Variants in SLC38A10 observed in about 807,000 individuals in gnomAD.
The protein encoded by SLC38A10 is Sodium-coupled neutral amino acid transporter 10.
In SLC38A10, 53 loss-of-function variants were observed where a neutral mutation model predicts 81.0. The ratio of observed to expected loss-of-function variants is 0.65; its 90% CI spans 0.53 to 0.82. SLC38A10 has a LOEUF of 0.82. Among genes scored for constraint, SLC38A10 ranks in the 40% least tolerant of loss-of-function variants. The pLI is 0.00. For missense variants in SLC38A10, 1,471 were observed against 1,545.0 expected, an observed-to-expected ratio of 0.95 and a Z score of 0.80; for synonymous variants, 665 against 655.3, an observed-to-expected ratio of 1.01 and a Z score of -0.23.
intron 11 of SLC38A10, among the ~76,000 whole-genome samples, chr17:81,257,997 C>T (rs2062988143): frequency 6.6e-6 from 1 of 152,232 alleles, no homozygotes; most frequent in South Asian, 2.1e-4. Context: ...GGCCCGACTC[C>T]CAGCTTTCAA....
intron 1 of SLC38A10, among the ~76,000 whole-genome samples, chr17:81,293,877 G>A (rs967797289): frequency 2.6e-5 from 4 of 152,166 alleles, no homozygotes; most frequent in African/African-American, 9.7e-5. Flanking sequence ...CTTGTTTATT[G>A]TAGATTAAAC....
intron 11 of SLC38A10, among the ~76,000 whole-genome samples, chr17:81,255,650 C>T (rs2062965095): frequency 6.6e-6 from 1 of 152,236 alleles, no homozygotes; most frequent in Non-Finnish European, 1.5e-5. Flanking sequence ...CCCAGGAACA[C>T]CCAGCAGAGG....
chr17:81,252,514 C>G lies in SLC38A10; in HGVS notation c.1626G>C (p.Leu542=), dbSNP rs1396197973. 6.2e-7 allele frequency: 1 copy of G among 1,613,272 alleles called. No individual in the cohort carries two copies. Among genetic ancestry groups the G allele is most frequent in the Non-Finnish European group, 8.5e-7 (1 of 1,180,024 alleles). The part of the protein sequence containing the change: ...PGVQGQMAPP[L]PDSEREKQEP... The stretch of plus-strand genomic sequence containing the variant: ...CTTGTTTCTCTCTTTCTGAGTCGGG[C>G]AGAGGCGGCGCCATCTGGCCCTGGA... Residue 542 remains leucine (L), a synonymous_variant, in exon 13 of 16, where the codon CTG becomes CTC. Coordinates refer to ENST00000374759, the MANE Select transcript of SLC38A10 (RefSeq NM_001037984.3).
intron 14 of SLC38A10, among the ~76,000 whole-genome samples, chr17:81,248,066 T>C (rs1313014798): frequency 6.7e-6 from 1 of 149,916 alleles, no homozygotes; most frequent in Non-Finnish European, 1.5e-5. Context: ...CACGCCATTC[T>C]TCTGCCTCAG....
chr17:81,293,388 C>T (rs2063324960), intron 1 of SLC38A10, among the ~76,000 whole-genome samples: 3 of 152,278 alleles, frequency 2.0e-5, no homozygotes, highest in Admixed American at 2.0e-4. Context: ...CCCTGACAGG[C>T]TCACCAACCA....
chr17:81,247,663 C>CAAAAACAAAA (rs1555625327), intron 14 of SLC38A10: 1 of 130,668 alleles, frequency 7.7e-6, no homozygotes, highest in Non-Finnish European at 1.6e-5. Flanking sequence ...CCCATCTCCA[C>CAAAAACAAAA]AAAAACAAAA....
In SLC38A10 at chr17:81,280,715, T is replaced by C; in HGVS notation, c.520A>G (p.Lys174Glu). Reference protein sequence around the residue: ...FMFVIVLSSLKHGLFSGQWLR... With the variant: ...FMFVIVLSSLEHGLFSGQWLR... ...CACTGCCCACTGAAGAGGCCGTGCT[T>C]GAGAGAGGAGAGCACGATCTGCAGA... Residue 174 changes from lysine (K) to glutamate (E), a missense_variant, in exon 6 of 16, where the codon AAG becomes GAG. By Grantham distance (56) the Lys-to-Glu change is moderately conservative. This residue lies in a region of SLC38A10 where 720 missense variants were observed against 827.7 expected (regional missense o/e 0.87). Coordinates refer to ENST00000374759, the MANE Select transcript of SLC38A10 (RefSeq NM_001037984.3). 2 of 1,613,108 alleles carry C rather than the reference T, an allele frequency of 1.2e-6. No homozygotes were observed. Among genetic ancestry groups the C allele is most frequent in the Non-Finnish European group, 1.7e-6 (2 of 1,179,672 alleles).
Position 81,270,838 on chromosome 17 carries a change from A to C in SLC38A10, c.1131+80T>G. 8.2e-7 allele frequency: 1 copy of C among 1,219,830 alleles called. No homozygotes were observed. Among genetic ancestry groups the C allele is most frequent in the Non-Finnish European group, 1.2e-6 (1 of 835,930 alleles). 75.6% of individuals were successfully genotyped at this position (1,219,830 alleles called of 1,614,324 possible). On this transcript the variant is annotated intron_variant, in intron 10 of 15. Coordinates refer to ENST00000374759, the MANE Select transcript of SLC38A10 (RefSeq NM_001037984.3). This position sits in a 1 kb window ranked among gnomAD's most constrained non-coding sequence, Gnocchi z 4.0. ...AGAACCCATCTGAAAACGCTGAACC[A>C]GGGGCTTCCTCCCGCCTCCACCTCT... is the stretch of plus-strand genomic sequence containing the variant.
In SLC38A10 at chr17:81,270,869, G is replaced by A; in HGVS notation, c.1131+49C>T. 6.5e-7 allele frequency: 1 copy of A among 1,543,538 alleles called. No individual in the cohort carries two copies. The highest frequency in any genetic ancestry group is 9.0e-7 in the Non-Finnish European group (1 of 1,116,874). ...TTCCTCCCGCCTCCACCTCTCCCCA[G>A]CCCAGACCCATCAGCCCTCGTCCAG... On this transcript the variant is annotated intron_variant, in intron 10 of 15. Coordinates refer to ENST00000374759, the MANE Select transcript of SLC38A10 (RefSeq NM_001037984.3). This position sits in a 1 kb window ranked among gnomAD's most constrained non-coding sequence, Gnocchi z 4.0.
chr17:81,294,422 G>A (rs1366703733), intron 1 of SLC38A10, among the ~76,000 whole-genome samples: 1 of 152,188 alleles, frequency 6.6e-6, no homozygotes, highest in Non-Finnish European at 1.5e-5. Flanking sequence ...ATCTAGTGTC[G>A]AAGCCTGGGA....
chr17:81,275,648 C>T (rs2063153580), intron 8 of SLC38A10, among the ~76,000 whole-genome samples: 1 of 143,644 alleles, frequency 7.0e-6, no homozygotes, highest in Middle Eastern at 3.5e-3. Context: ...AGGAGAATGG[C>T]GTGAACCCGG....
At chr17:81,260,794 C>T (rs907006937) in intron 10 of SLC38A10, among the ~76,000 whole-genome samples, 2 of 152,216 alleles carry the variant, frequency 1.3e-5, no homozygotes, top group South Asian at 4.1e-4. Flanking sequence ...GCTGAAGGTA[C>T]GTGACGAGCC....
At chr17:81,279,255 T>C (rs1296088579) in intron 6 of SLC38A10, among the ~76,000 whole-genome samples, 3 of 152,176 alleles carry the variant, frequency 2.0e-5, no homozygotes, top group Non-Finnish European at 4.4e-5. Flanking sequence ...GGACAACCAT[T>C]CTGCATAACC....
intron 6 of SLC38A10, chr17:81,280,072 C>T (rs2063196584): frequency 7.0e-6 from 3 of 430,826 alleles, no homozygotes; most frequent in South Asian, 4.8e-5. Context: ...CATGTTCCAA[C>T]CGGGCACGAA....
At chr17:81,282,465 T>G (rs540288402) in intron 4 of SLC38A10, 133 bp from the exon 5 acceptor site, 1 of 1,277,580 alleles carries the variant, frequency 7.8e-7, no homozygotes, top group African/African-American at 1.5e-5. Context: ...CCGGCGGGTC[T>G]GAGGCTGGCA....
In SLC38A10 at chr17:81,245,270, A is replaced by C. The variant is rs2062837646; in HGVS notation, c.*286T>G. On this transcript the variant is annotated 3_prime_UTR_variant, in exon 16 of 16. Transcript: ENST00000374759. ...GCCTGAGCCTGGGAGTGCACCAGCC[A>C]GCTCGCAGCGGAGGCCGTTTCTCCT... 1 of 368,950 alleles carries C rather than the reference A, an allele frequency of 2.7e-6. No homozygotes were observed. Among genetic ancestry groups the C allele is most frequent in the African/African-American group, 2.1e-5 (1 of 47,342 alleles). The allele number at this position is 368,950 out of a possible 1,614,324, so 22.9% of individuals were successfully genotyped here. A position where few individuals can be genotyped will look rare whatever the true frequency, so the allele number is the denominator to read the frequency against.
intron 11 of SLC38A10, among the ~76,000 whole-genome samples, chr17:81,257,833 G>C (rs2062986930): frequency 6.6e-6 from 1 of 152,248 alleles, no homozygotes; most frequent in Non-Finnish European, 1.5e-5. Flanking sequence ...GGGTGCCCGA[G>C]GGGTGCGGGC....
chr17:81,245,102 G>A lies in SLC38A10; in HGVS notation c.*454C>T, dbSNP rs2062836175. 5.8e-6 allele frequency: 1 copy of A among 172,290 alleles called. No homozygotes were observed. Among genetic ancestry groups the A allele is most frequent in the Non-Finnish European group, 1.2e-5 (1 of 81,972 alleles). The allele number at this position is 172,290 out of a possible 1,614,324, so 10.7% of individuals were successfully genotyped here. On this transcript the variant is annotated 3_prime_UTR_variant, in exon 16 of 16. Transcript: ENST00000374759. ...CATTCTGAGTCACTGCAAGCGTGGG[G>A]TTGGATGCTGGCTCTCACAGTAGCC...
At chr17:81,250,697 C>T (rs1391117490) in intron 14 of SLC38A10, among the ~76,000 whole-genome samples, 2 of 152,180 alleles carry the variant, frequency 1.3e-5, no homozygotes, top group Admixed American at 1.3e-4. Flanking sequence ...TTTTGGTGAG[C>T]GGGGGCCCAG....
Sources: gnomAD v4.1 joint callset for allele counts (sites outside exome capture counted in the v4.1 genomes callset) on GRCh38, gnomAD v4.1.1 for gene constraint, gnomAD v4.1.1 regional missense constraint, Gnocchi (gnomAD v3.1) non-coding constraint, MANE v1.5 for transcripts, NCBI Gene and HGNC (gene_info 2026-07-23, HGNC 2026-07-21) for gene names.